SEC61A1: variants seen among roughly 807,000 people sequenced by gnomAD.
The protein encoded by SEC61A1 is SEC61 translocon subunit alpha 1.
SEC61A1 carries 15 observed loss-of-function variants against 55.2 expected under a neutral mutation model. The observed-to-expected ratio is 0.27, with a 90% CI of 0.18 to 0.42. The LOEUF (loss-of-function observed/expected upper bound fraction) is 0.42, where lower values mean the gene tolerates loss of function less well. Among genes scored for constraint, SEC61A1 ranks in the 10% least tolerant of loss-of-function variants. The pLI is 1.00. For synonymous variants in SEC61A1, 247 were observed against 234.0 expected, an observed-to-expected ratio of 1.06 and a Z score of -0.51; for missense variants, 284 against 602.6, an observed-to-expected ratio of 0.47 and a Z score of 5.53.
chr3:128,068,956 A>G (rs1942068047), intron 11 of SEC61A1: 1 of 152,348 alleles, frequency 6.6e-6, no homozygotes, highest in African/African-American at 2.4e-5. Context: ...TGCAAACTTC[A>G]GATCATTTTC....
At position 128,067,023 on chromosome 3, in the gene SEC61A1, C is replaced by T; in HGVS notation, c.847C>T (p.Leu283Phe). ...CCAGTACAACACCTATCCCATCAAGCTCTTCTATACGTCCAACATCCCCAT... is the reference window on the plus strand; with the variant it reads ...CCAGTACAACACCTATCCCATCAAGTTCTTCTATACGTCCAACATCCCCAT... ...RGQYNTYPIK[L>F]FYTSNIPIIL... The change falls in exon 9 of 12, where the codon CTC (leucine) becomes TTC (phenylalanine). Residue 283 changes from leucine (L) to phenylalanine (F), a missense_variant. Physicochemically the swap from Leu to Phe is conservative, Grantham distance 22. Coordinates refer to ENST00000243253, the MANE Select transcript of SEC61A1 (RefSeq NM_013336.4). This position sits in a 1 kb window ranked among gnomAD's most constrained non-coding sequence, Gnocchi z 4.1. 6.2e-7 allele frequency: 1 copy of T among 1,614,216 alleles called. No homozygotes were observed. The highest frequency in any genetic ancestry group is 8.5e-7 in the Non-Finnish European group (1 of 1,180,042).
Position 128,056,768 on chromosome 3 carries a change from T to G in SEC61A1, c.280T>G (p.Leu94Val), listed in dbSNP as rs1941778183. 2.5e-6 allele frequency: 4 copies of G among 1,610,868 alleles called. No individual in the cohort carries two copies. Among genetic ancestry groups the G allele is most frequent in the Admixed American group, 3.4e-5 (2 of 59,304 alleles). Residue 94 changes from leucine (L) to valine (V), a missense_variant, in exon 5 of 12, where the codon TTG (leucine) becomes GTG (valine). Transcript: ENST00000243253. The stretch of plus-strand genomic sequence containing the variant: ...CACGTCTGGCCTTATAATGCAACTC[T>G]TGGCTGGCGCCAAGATAATTGAAGT... Reference protein sequence around the residue: ...IVTSGLIMQLLAGAKIIEVGD... With the variant: ...IVTSGLIMQLVAGAKIIEVGD...
At chr3:128,062,782 G>A (rs1473760828) in intron 7 of SEC61A1, among the ~76,000 whole-genome samples, 1 of 152,186 alleles carries the variant, frequency 6.6e-6, no homozygotes, top group Non-Finnish European at 1.5e-5. Context: ...AGTCATGGGA[G>A]GAGTAAAAGT....
At chr3:128,055,607 T>C (rs1941759209) in intron 3 of SEC61A1, 26 bp downstream of exon 3, 1 of 1,610,760 alleles carries the variant, frequency 6.2e-7, no homozygotes, top group South Asian at 1.1e-5. Context: ...TATTTCGTAT[T>C]GGGGAGGGGG....
intron 8 of SEC61A1, chr3:128,066,629 G>T: frequency 2.9e-6 from 1 of 346,202 alleles, no homozygotes; most frequent in Non-Finnish European, 5.3e-6. Flanking sequence ...TGACTGTGTT[G>T]CCCAGGCTGG....
intron 7 of SEC61A1, among the ~76,000 whole-genome samples, chr3:128,062,798 T>C (rs1287646607): frequency 1.3e-5 from 2 of 152,202 alleles, no homozygotes; most frequent in African/African-American, 4.8e-5. Flanking sequence ...AAAGTGAAAG[T>C]TGGAAGATTT....
In SEC61A1 at chr3:128,067,264, T is replaced by C. The variant is rs2107651276; in HGVS notation, c.975+113T>C. 1 of 1,328,852 alleles carries C rather than the reference T, an allele frequency of 7.5e-7. No individual in the cohort carries two copies. The highest frequency in any genetic ancestry group is 1.3e-5 in the South Asian group (1 of 74,966). The allele number at this position is 1,328,852 out of a possible 1,614,324, so 82.3% of individuals were successfully genotyped here. On this transcript the variant is annotated intron_variant, in intron 9 of 11. Coordinates refer to ENST00000243253, the MANE Select transcript of SEC61A1 (RefSeq NM_013336.4). The surrounding 1 kb of genome is among the most constrained non-coding windows in gnomAD (Gnocchi z 4.1). ...CCAAAGATATTTTCCATTGTGCCTT[T>C]TACAAATTCAGCACATTAAATTATC...
At chr3:128,063,124 T>G (rs1221186291) in intron 7 of SEC61A1, among the ~76,000 whole-genome samples, 1 of 152,246 alleles carries the variant, frequency 6.6e-6, no homozygotes, top group Non-Finnish European at 1.5e-5. Context: ...GTTATTTTGG[T>G]TGAATAGAAG....
intron 5 of SEC61A1, among the ~76,000 whole-genome samples, chr3:128,058,182 TTGAA>T (rs1941799946): frequency 6.6e-6 from 1 of 151,436 alleles, no homozygotes; most frequent in Non-Finnish European, 1.5e-5. Flanking sequence ...TGGTGGATAA[TTGAA>T]TGAGAAATAC....
chr3:128,052,543 A>AGCC lies in SEC61A1; in HGVS notation c.-3_-1dup. ...CTGAAGCGGGACCCGGAGCCCGAGC[A>AGCC]GCCGCCGCCATGGCAAGTGAGTCCT... On this transcript the variant is annotated 5_prime_UTR_variant, in exon 1 of 12. Transcript: ENST00000243253. 6.3e-7 allele frequency: 1 copy of AGCC among 1,597,938 alleles called. No individual in the cohort carries two copies. Among genetic ancestry groups the AGCC allele is most frequent in the South Asian group, 1.1e-5 (1 of 88,928 alleles).
intron 5 of SEC61A1, 142 bp downstream of exon 5, chr3:128,056,982 G>C (rs1438227658): frequency 1.7e-6 from 1 of 574,874 alleles, no homozygotes; most frequent in Non-Finnish European, 2.5e-6. Flanking sequence ...TGTTGCCCAG[G>C]CTGGAGTGCA....
chr3:128,053,453 G>T (rs993234268), intron 2 of SEC61A1, among the ~76,000 whole-genome samples: 2 of 152,204 alleles, frequency 1.3e-5, no homozygotes, highest in African/African-American at 4.8e-5. Context: ...TAAATTTAGA[G>T]CTGTGCTGAA....
At chr3:128,068,151 TGG>T in intron 11 of SEC61A1, 92 bp downstream of exon 11, 1 of 888,752 alleles carries the variant, frequency 1.1e-6, no homozygotes. Context: ...TAGCACTTAC[TGG>T]GTCACTAAAT....
At chr3:128,066,205 T>C (rs1941972860) in intron 8 of SEC61A1, among the ~76,000 whole-genome samples, 1 of 152,104 alleles carries the variant, frequency 6.6e-6, no homozygotes, top group South Asian at 2.1e-4. Flanking sequence ...TGTAAGGAAC[T>C]ATTATAAGGT....
At chr3:128,065,306 C>A in intron 8 of SEC61A1, 2 of 595,378 alleles carry the variant, frequency 3.4e-6, no homozygotes, top group Non-Finnish European at 6.0e-6. Context: ...AGGTAAGATA[C>A]ATTTTTAAGT....
chr3:128,053,812 G>A (rs1178672545), intron 2 of SEC61A1, among the ~76,000 whole-genome samples: 1 of 152,204 alleles, frequency 6.6e-6, no homozygotes, highest in Admixed American at 6.5e-5. Context: ...CCTTGGCCTT[G>A]TAACTCAGTG....
chr3:128,066,643 C>G (rs945787796), intron 8 of SEC61A1: 2 of 379,468 alleles, frequency 5.3e-6, no homozygotes, highest in South Asian at 4.1e-5. Flanking sequence ...AGGCTGGTAT[C>G]GAACTTCTGG....
At chr3:128,065,254 A>G in intron 8 of SEC61A1, 1 of 631,248 alleles carries the variant, frequency 1.6e-6, no homozygotes, top group Non-Finnish European at 2.8e-6. Context: ...AGGCAGTTCT[A>G]ACGTAAGTGA....
chr3:128,069,403 G>A, intron 11 of SEC61A1, 73 bp from the exon 12 acceptor site: 1 of 1,433,570 alleles, frequency 7.0e-7, no homozygotes, highest in Non-Finnish European at 9.5e-7. Context: ...AAAGTCTCAG[G>A]TGAGCCTGTT....
Sources: allele counts gnomAD v4.1 joint callset (sites outside exome capture counted in the v4.1 genomes callset), GRCh38; gene constraint gnomAD v4.1.1; non-coding constraint Gnocchi (gnomAD v3.1); transcripts MANE v1.5; gene names NCBI Gene and HGNC (gene_info 2026-07-23, HGNC 2026-07-21).